Variants in FGF13 observed in about 807,000 individuals in gnomAD.
FGF13 encodes the protein fibroblast growth factor homologous factor 2.
In FGF13, 2 loss-of-function variants were observed where a neutral mutation model predicts 19.5. That is an observed-to-expected ratio of 0.10 (90% CI 0.04 to 0.32). FGF13 has a LOEUF of 0.32. Among genes scored for constraint, FGF13 ranks in the 10% least tolerant of loss-of-function variants. The pLI is 1.00. For synonymous variants in FGF13, 72 were observed against 76.9 expected (o/e 0.94, Z 0.33); for missense variants, 113 against 192.7 (o/e 0.59, Z 2.45).
At chrX:139,017,332 C>T (rs866777645) in intron 1 of FGF13, among the ~76,000 whole-genome samples, 5 of 38,932 alleles carry the variant, frequency 1.3e-4, no homozygotes, top group African/African-American at 4.8e-4. Flanking sequence ...ATTACATATA[C>T]ATGTATGTAT....
chrX:138,849,341 G>T (rs1185864130), intron 3 of FGF13, among the ~76,000 whole-genome samples: 1 of 111,982 alleles, frequency 8.9e-6, no homozygotes, highest in Admixed American at 9.5e-5. Context: ...GACCACAAAT[G>T]CTGTCTTTTT....
At chrX:138,671,070 A>G (rs1293604430) in intron 3 of FGF13, among the ~76,000 whole-genome samples, 1 of 110,931 alleles carries the variant, frequency 9.0e-6, no homozygotes, top group Non-Finnish European at 1.9e-5. Flanking sequence ...TCCATTATTA[A>G]TCTACATCAT....
chrX:139,204,344 C>A, upstream of FGF13: 1 of 304,045 alleles, frequency 3.3e-6, no homozygotes, highest in Admixed American at 6.3e-5. Context: ...GCCGCGATCC[C>A]GAGCGGCCGG....
chrX:138,780,842 C>A (rs2090635338), intron 3 of FGF13, among the ~76,000 whole-genome samples: 1 of 110,801 alleles, frequency 9.0e-6, no homozygotes, highest in South Asian at 3.9e-4. Flanking sequence ...AACTCTCCAC[C>A]CCAAATCAAC....
chrX:139,040,442 A>C (rs1306985680), intron 1 of FGF13, among the ~76,000 whole-genome samples: 2 of 111,574 alleles, frequency 1.8e-5, no homozygotes, highest in Non-Finnish European at 3.8e-5. Flanking sequence ...CTAGAAATAG[A>C]ACATAGATTC....
chrX:138,767,202 T>G (rs2124337433), intron 3 of FGF13, among the ~76,000 whole-genome samples: 1 of 112,383 alleles, frequency 8.9e-6, no homozygotes, highest in African/African-American at 3.2e-5. Context: ...GTTGAGTTTC[T>G]TGGCCTCAGC....
upstream of FGF13, among the ~76,000 whole-genome samples, chrX:138,713,808 TATAATAAGA>T (rs1307805818): frequency 8.9e-6 from 1 of 111,902 alleles, no homozygotes; most frequent in Non-Finnish European, 1.9e-5. Context: ...TTCAGGAATA[TATAATAAGA>T]ATGGCGGGGG....
At chrX:139,135,318 C>A (rs746925590) in intron 1 of FGF13, among the ~76,000 whole-genome samples, 1 of 111,580 alleles carries the variant, frequency 9.0e-6, no homozygotes, top group Non-Finnish European at 1.9e-5. Flanking sequence ...TGGGGCTGAT[C>A]CTCACCTGTT....
intron 1 of FGF13, among the ~76,000 whole-genome samples, chrX:138,979,512 T>C (rs2091954789): frequency 9.0e-6 from 1 of 110,766 alleles, no homozygotes; most frequent in South Asian, 3.9e-4. Context: ...CTGGTATATC[T>C]TCCTACCATT....
chrX:139,057,658 G>A (rs925832738), intron 1 of FGF13, among the ~76,000 whole-genome samples: 1 of 111,925 alleles, frequency 8.9e-6, no homozygotes, highest in Non-Finnish European at 1.9e-5. Flanking sequence ...TGATGAATGG[G>A]TACAAATATT....
chrX:139,024,878 T>G (rs1256171536), intron 1 of FGF13, among the ~76,000 whole-genome samples: 2 of 111,200 alleles, frequency 1.8e-5, no homozygotes, highest in Non-Finnish European at 3.8e-5. Context: ...TCTTGAAATG[T>G]TTGTTTCTCA....
intron 1 of FGF13, among the ~76,000 whole-genome samples, chrX:138,962,646 C>T (rs2091877642): frequency 8.9e-6 from 1 of 111,957 alleles, no homozygotes; most frequent in Non-Finnish European, 1.9e-5. Context: ...ACATATACAC[C>T]AAGGAATACT....
intron 1 of FGF13, among the ~76,000 whole-genome samples, chrX:138,880,061 C>T (rs1488280423): frequency 2.7e-5 from 3 of 112,201 alleles, no homozygotes; most frequent in African/African-American, 9.7e-5. Context: ...ATTCATGTGA[C>T]CAACAAACGT....
At chrX:138,860,002 G>A (rs929821551) in intron 2 of FGF13, among the ~76,000 whole-genome samples, 1 of 110,519 alleles carries the variant, frequency 9.0e-6, no homozygotes, top group Admixed American at 9.7e-5. Context: ...GTCTCAGGCT[G>A]TCTCTCCTCA....
At chrX:139,163,836 T>C (rs1442246300) in intron 1 of FGF13, among the ~76,000 whole-genome samples, 2 of 111,620 alleles carry the variant, frequency 1.8e-5, no homozygotes, top group East Asian at 5.7e-4. Flanking sequence ...GAAAATCCAG[T>C]CTAAGGATGC....
At chrX:138,811,239 T>G (rs1429284094) in intron 3 of FGF13, among the ~76,000 whole-genome samples, 1 of 111,480 alleles carries the variant, frequency 9.0e-6, no homozygotes, top group South Asian at 3.8e-4. Context: ...ATGTGGCACA[T>G]ATACACCATG....
At chrX:139,099,095 C>T (rs1460892247) in intron 1 of FGF13, among the ~76,000 whole-genome samples, 2 of 110,392 alleles carry the variant, frequency 1.8e-5, no homozygotes, top group Non-Finnish European at 3.8e-5. Context: ...GGTCTCATCT[C>T]ACCTCGGTTT....
At chrX:139,107,058 G>A (rs1437797960) in intron 1 of FGF13, among the ~76,000 whole-genome samples, 1 of 111,606 alleles carries the variant, frequency 9.0e-6, no homozygotes, top group Non-Finnish European at 1.9e-5. Context: ...AGACCCTGGG[G>A]ATATAAAAGT....
At chrX:139,056,552 T>C (rs927838484) in intron 1 of FGF13, among the ~76,000 whole-genome samples, 4 of 112,666 alleles carry the variant, frequency 3.6e-5, no homozygotes, top group Admixed American at 1.9e-4. Context: ...CGAAAGACTG[T>C]GCTAGGAATC....
Sources: gnomAD v4.1 joint callset for allele counts (sites outside exome capture counted in the v4.1 genomes callset) on GRCh38, gnomAD v4.1.1 for gene constraint, MANE v1.5 for transcripts, NCBI Gene and HGNC (gene_info 2026-07-23, HGNC 2026-07-21) for gene names.